Variants in NIBAN1 observed in about 807,000 individuals in gnomAD.
The protein encoded by NIBAN1 is niban apoptosis regulator 1, also known as protein Niban 1.
NIBAN1 carries 81 observed loss-of-function variants against 75.1 expected under a neutral mutation model. The observed-to-expected ratio is 1.08, with a 90% CI of 0.90 to 1.30. The LOEUF (loss-of-function observed/expected upper bound fraction) is 1.30. NIBAN1 is among the 50% of genes most tolerant of loss of function. The probability of loss-of-function intolerance (pLI) is 0.00; values close to 1 mark genes in which losing one functional copy is unlikely to be tolerated. For synonymous variants in NIBAN1, 436 were observed against 424.8 expected (o/e 1.03, Z -0.32); for missense variants, 1,133 against 1,128.1 (o/e 1.00, Z -0.06).
At chr1:184,896,693 T>C (rs1470258961) in intron 2 of NIBAN1, among the ~76,000 whole-genome samples, 1 of 152,198 alleles carries the variant, frequency 6.6e-6, no homozygotes, top group Non-Finnish European at 1.5e-5. Context: ...ACTTAGGTTT[T>C]TAATCCATCT....
chr1:184,903,733 C>CTTTTTTTTTTTT (rs368105582), intron 1 of NIBAN1, among the ~76,000 whole-genome samples: 1 of 99,922 alleles, frequency 1.0e-5, no homozygotes, highest in South Asian at 4.0e-4. Flanking sequence ...CCGATTAAAC[C>CTTTTTTTTTTTT]TTTTTTTTTT....
intron 11 of NIBAN1, 73 bp from the exon 12 acceptor site, chr1:184,803,765 C>T: frequency 7.7e-7 from 1 of 1,298,774 alleles, no homozygotes; most frequent in Admixed American, 1.7e-5. Context: ...AAAAACTCAG[C>T]CACCCACTTC....
chr1:184,833,264 G>A (rs890551792), intron 5 of NIBAN1, among the ~76,000 whole-genome samples: 1 of 150,020 alleles, frequency 6.7e-6, no homozygotes, highest in Non-Finnish European at 1.5e-5. Flanking sequence ...GGTGGTAGAT[G>A]ACTCTTTTGA....
rs1320694628 is a variant in NIBAN1, at chr1:184,795,684, C to T, written c.2080G>A (p.Glu694Lys). 1.9e-6 allele frequency: 3 copies of T among 1,614,162 alleles called. No homozygotes were observed. Among genetic ancestry groups the T allele is most frequent in the Admixed American group, 3.3e-5 (2 of 60,018 alleles). Reference sequence around the variant, plus strand: ...GGTTCTGGCTCTTCCTGGGCGGGTTCTTCATCCTCAAGGGTCCCTCCAAAC... The same window carrying T: ...GGTTCTGGCTCTTCCTGGGCGGGTTTTTCATCCTCAAGGGTCCCTCCAAAC... ...LEFGGTLEDE[E>K]PAQEEPEPIT... The change falls in exon 14 of 14, where the codon GAA (glutamate) becomes AAA (lysine). Residue 694 changes from glutamate to lysine, a missense_variant. Glu to Lys is a moderately conservative substitution (Grantham distance 56). Transcript: ENST00000367511.
chr1:184,936,372 C>A (rs1390454376), intron 1 of NIBAN1, among the ~76,000 whole-genome samples: 1 of 152,182 alleles, frequency 6.6e-6, no homozygotes, highest in Non-Finnish European at 1.5e-5. Flanking sequence ...GAACAGCCAT[C>A]CAAAGGAGCT....
intron 5 of NIBAN1, among the ~76,000 whole-genome samples, chr1:184,844,155 G>C (rs1216692807): frequency 6.6e-6 from 1 of 152,152 alleles, no homozygotes; most frequent in Non-Finnish European, 1.5e-5. Context: ...AAATACTAGG[G>C]ACATTCTTCC....
At chr1:184,942,122 T>G (rs1299937362) in intron 1 of NIBAN1, among the ~76,000 whole-genome samples, 1 of 152,238 alleles carries the variant, frequency 6.6e-6, no homozygotes, top group Non-Finnish European at 1.5e-5. Flanking sequence ...GAGTTATCAT[T>G]TACTCAAATA....
intron 1 of NIBAN1, among the ~76,000 whole-genome samples, chr1:184,939,775 C>T (rs535111200): frequency 3.9e-5 from 6 of 152,248 alleles, no homozygotes; most frequent in East Asian, 3.9e-4. Flanking sequence ...GGCTTACTGC[C>T]GTACCTACCA....
intron 12 of NIBAN1, among the ~76,000 whole-genome samples, chr1:184,800,590 C>G (rs1041805648): frequency 5.3e-5 from 8 of 151,484 alleles, no homozygotes; most frequent in Non-Finnish European, 1.2e-4. Flanking sequence ...ATATGGCTAG[C>G]CAGTTTTCCC....
At chr1:184,945,894 T>C (rs1211904671) in intron 1 of NIBAN1, among the ~76,000 whole-genome samples, 2 of 151,982 alleles carry the variant, frequency 1.3e-5, no homozygotes, top group African/African-American at 4.8e-5. Flanking sequence ...CCGCAGACTA[T>C]GGACAATTTT....
chr1:184,933,618 T>C (rs1657881448), intron 1 of NIBAN1, among the ~76,000 whole-genome samples: 1 of 152,266 alleles, frequency 6.6e-6, no homozygotes. Context: ...TTCACATCCA[T>C]GGCAAATGCC....
In NIBAN1 at chr1:184,805,934, G is replaced by A; in HGVS notation, c.1446+12C>T. On this transcript the variant is annotated intron_variant, in intron 11 of 13. Transcript: ENST00000367511. ...CTTTTTATGCTTCCCACAAACAAGA[G>A]AACGGTTTTACCTTTAAGACTCGGA... The A allele has an allele frequency of 6.2e-7, 1 of 1,604,138 alleles. No individual in the cohort carries two copies. The highest frequency in any genetic ancestry group is 8.5e-7 in the Non-Finnish European group (1 of 1,170,902).
intron 1 of NIBAN1, among the ~76,000 whole-genome samples, chr1:184,973,223 G>A (rs1321404813): frequency 3.9e-5 from 6 of 152,156 alleles, no homozygotes; most frequent in African/African-American, 1.2e-4. Context: ...CACCAGAGCA[G>A]GAATCTGTAA....
At chr1:184,798,252 G>A in intron 12 of NIBAN1, 62 bp from the exon 13 acceptor site, 10 of 1,040,630 alleles carry the variant, frequency 9.6e-6, no homozygotes, top group Non-Finnish European at 1.4e-5. Flanking sequence ...TCTTAGAGGA[G>A]ATACAGAAAG....
At chr1:184,942,637 T>C (rs545763644) in intron 1 of NIBAN1, among the ~76,000 whole-genome samples, 23 of 144,844 alleles carry the variant, frequency 1.6e-4, no homozygotes, top group Non-Finnish European at 3.3e-4. Flanking sequence ...GAGCTTGCAC[T>C]GAGCCCAGAT....
intron 1 of NIBAN1, 128 bp from the exon 2 acceptor site, chr1:184,899,437 C>T: frequency 2.1e-6 from 2 of 942,486 alleles, no homozygotes; most frequent in East Asian, 2.7e-5. Flanking sequence ...TCTATCCCTC[C>T]AGTCACCCCT....
intron 1 of NIBAN1, among the ~76,000 whole-genome samples, chr1:184,903,491 G>C (rs1035745273): frequency 2.0e-5 from 3 of 152,118 alleles, no homozygotes; most frequent in Admixed American, 1.3e-4. Context: ...CTCATTAATG[G>C]CTTAGTGCCA....
chr1:184,939,706 A>G (rs2102046059), intron 1 of NIBAN1, among the ~76,000 whole-genome samples: 1 of 152,302 alleles, frequency 6.6e-6, no homozygotes, highest in Middle Eastern at 3.4e-3. Flanking sequence ...TCATTTAGGA[A>G]ATGGAGATAC....
chr1:184,939,055 G>T (rs992125689), intron 1 of NIBAN1, among the ~76,000 whole-genome samples: 11 of 152,192 alleles, frequency 7.2e-5, no homozygotes, highest in African/African-American at 2.4e-4. Flanking sequence ...ACTTATTTGA[G>T]AATTTTGCTT....
Sources: allele counts gnomAD v4.1 joint callset (sites outside exome capture counted in the v4.1 genomes callset), GRCh38; gene constraint gnomAD v4.1.1; transcripts MANE v1.5; gene names NCBI Gene and HGNC (gene_info 2026-07-23, HGNC 2026-07-21).